Variants in LCA5 observed in about 807,000 individuals in gnomAD.
LCA5 encodes the protein lebercilin.
Under a neutral mutation model 53.0 loss-of-function variants are expected in LCA5, and 37 were observed. The ratio of observed to expected loss-of-function variants is 0.70; its 90% CI spans 0.54 to 0.92. The LOEUF is 0.92. Ranked by LOEUF, LCA5 falls within the 40% of genes least tolerant of loss-of-function variation. LCA5 has a pLI of 0.00. For synonymous variants in LCA5, 303 were observed against 282.9 expected (o/e 1.07, Z -0.71); for missense variants, 806 against 790.5 (o/e 1.02, Z -0.23).
At chr6:79,525,349 C>T (rs939437831) in intron 1 of LCA5, 1 of 152,312 alleles carries the variant, frequency 6.6e-6, no homozygotes, top group Non-Finnish European at 1.5e-5. Context: ...CCAGCTGGAC[C>T]AATTCCTAGG....
intron 3 of LCA5, among the ~76,000 whole-genome samples, chr6:79,498,172 T>TAA (rs11301807): frequency 6.9e-6 from 1 of 145,062 alleles, no homozygotes. Context: ...CTCAAATAGC[T>TAA]AAAAAAAAAA....
intron 5 of LCA5, among the ~76,000 whole-genome samples, chr6:79,492,215 A>G (rs1307966126): frequency 6.6e-6 from 1 of 152,042 alleles, no homozygotes; most frequent in African/African-American, 2.4e-5. Flanking sequence ...AAAAAGTATA[A>G]CTGTTAAAGC....
chr6:79,485,624 A>G lies in LCA5; in HGVS notation c.*1380T>C, dbSNP rs1324078035. 6.6e-6 allele frequency: 1 copy of G among 152,198 alleles called. No homozygotes were observed. The highest frequency in any genetic ancestry group is 1.9e-4 in the East Asian group (1 of 5,190). 9.4% of individuals were successfully genotyped at this position (152,198 alleles called of 1,614,324 possible). On this transcript the variant is annotated 3_prime_UTR_variant, in exon 8 of 8. Coordinates refer to ENST00000369846, the MANE Select transcript of LCA5 (RefSeq NM_001122769.3). ...TAGTCATGCAATGAAATTCAATAAT[A>G]TGCATTTATAAGAACTCAGAATAAC...
chr6:79,517,333 C>T (rs564581234), intron 2 of LCA5, among the ~76,000 whole-genome samples: 1 of 152,192 alleles, frequency 6.6e-6, no homozygotes, highest in African/African-American at 2.4e-5. Flanking sequence ...AAAGTTCAGA[C>T]TCCTTAATTG....
At chr6:79,499,795 T>C (rs1770083488) in intron 3 of LCA5, among the ~76,000 whole-genome samples, 1 of 151,518 alleles carries the variant, frequency 6.6e-6, no homozygotes, top group Non-Finnish European at 1.5e-5. Context: ...GCTGCACCCA[T>C]TAACTCGTCA....
intron 2 of LCA5, among the ~76,000 whole-genome samples, chr6:79,514,017 T>C (rs1041932825): frequency 4.4e-4 from 67 of 152,172 alleles, no homozygotes; most frequent in African/African-American, 1.6e-3. Flanking sequence ...GCTTTAACCA[T>C]TTTTAACTTT....
intron 1 of LCA5, among the ~76,000 whole-genome samples, chr6:79,525,651 A>C (rs1766762562): frequency 1.3e-5 from 2 of 152,236 alleles, no homozygotes; most frequent in Admixed American, 6.5e-5. Flanking sequence ...GAAATTCAAC[A>C]AGAAAAAGAG....
Position 79,487,340 on chromosome 6 carries a change from T to G in LCA5, c.1758A>C (p.Lys586Asn). 1 of 1,613,958 alleles carries G rather than the reference T, an allele frequency of 6.2e-7. No individual in the cohort carries two copies. ...TTAAATCTACACCATCTTTACTAAG[T>G]TTTTCCATACTGTTTCTTTGGAAAT... The part of the protein sequence containing the change: ...FLDFQRNSME[K>N]LSKDGVDLIT... The change falls in exon 8 of 8, where the codon AAA becomes AAC. Residue 586 changes from lysine to asparagine, a missense_variant. Lys to Asn is a moderately conservative substitution (Grantham distance 94). Transcript: ENST00000369846.
chr6:79,500,841 T>C (rs1770117999), intron 3 of LCA5, among the ~76,000 whole-genome samples: 1 of 152,166 alleles, frequency 6.6e-6, no homozygotes, highest in South Asian at 2.1e-4. Context: ...TTCCTTATAT[T>C]TTCTATGATT....
chr6:79,519,592 C>T (rs1194161069), intron 1 of LCA5, among the ~76,000 whole-genome samples: 2 of 151,820 alleles, frequency 1.3e-5, no homozygotes, highest in Non-Finnish European at 2.9e-5. Context: ...TGGCACACGC[C>T]TGTAGTCCCA....
At chr6:79,528,339 C>T (rs1275849449) in intron 1 of LCA5, among the ~76,000 whole-genome samples, 1 of 152,110 alleles carries the variant, frequency 6.6e-6, no homozygotes, top group Non-Finnish European at 1.5e-5. Flanking sequence ...TCAACTTGTA[C>T]CCACATCCCA....
At chr6:79,506,127 C>T (rs1770266499) in intron 3 of LCA5, among the ~76,000 whole-genome samples, 1 of 152,090 alleles carries the variant, frequency 6.6e-6, no homozygotes, top group African/African-American at 2.4e-5. Context: ...CCTTTAATAG[C>T]TCCATTGATA....
In LCA5 at chr6:79,487,221, G is replaced by T. The variant is rs1320311861; in HGVS notation, c.1877C>A (p.Ser626Tyr). ...AATGTCTCCTTTACTGGAAGCCACA[G>T]AATTTGGGTCACTGCTTTTGGAGGA... The part of the protein sequence containing the change: ...TISSKSSDPN[S>Y]VASSKGDIDP... Residue 626 changes from serine to tyrosine, a missense_variant, in exon 8 of 8, where the codon TCT becomes TAT. By Grantham distance (144) the Ser-to-Tyr change is moderately radical. Transcript: ENST00000369846. 3 of 1,614,022 alleles carry T rather than the reference G, an allele frequency of 1.9e-6. No homozygotes were observed. The highest frequency in any genetic ancestry group is 2.5e-6 in the Non-Finnish European group (3 of 1,179,932).
At chr6:79,508,668 T>C (rs80191950) in intron 3 of LCA5, among the ~76,000 whole-genome samples, 2 of 151,912 alleles carry the variant, frequency 1.3e-5, no homozygotes, top group Non-Finnish European at 2.9e-5. Context: ...GTATCCTTAC[T>C]AAAGAACATC....
Position 79,489,209 on chromosome 6 carries a change from T to C in LCA5, c.1106A>G (p.Gln369Arg). 7 of 1,611,546 alleles carry C rather than the reference T, an allele frequency of 4.3e-6. No individual in the cohort carries two copies. In the South Asian group the frequency reaches 5.5e-5, roughly 13 times the overall value. The change falls in exon 7 of 8, where the codon CAA becomes CGA. Residue 369 changes from glutamine (Q) to arginine (R), a missense_variant. Transcript: ENST00000369846. The part of the protein sequence containing the change: ...EEPGHLTLDL[Q>R]SQKQDRHGEA... The stretch of plus-strand genomic sequence containing the variant: ...TCCATGCCTGTCTTGCTTTTGAGAT[T>C]GCAAGTCCTATTATACGTTAAAAAA...
At chr6:79,513,980 C>T (rs1218036915) in intron 2 of LCA5, among the ~76,000 whole-genome samples, 1 of 152,144 alleles carries the variant, frequency 6.6e-6, no homozygotes, top group Non-Finnish European at 1.5e-5. Context: ...AATTATTCTA[C>T]ATAGCTTTAA....
intron 3 of LCA5, among the ~76,000 whole-genome samples, chr6:79,510,182 G>C (rs1050718101): frequency 1.3e-5 from 2 of 152,124 alleles, no homozygotes; most frequent in Non-Finnish European, 2.9e-5. Flanking sequence ...GAACAGAATA[G>C]AGACTATAGA....
intron 2 of LCA5, among the ~76,000 whole-genome samples, chr6:79,516,082 C>A (rs2127681582): frequency 6.6e-6 from 1 of 151,528 alleles, no homozygotes; most frequent in Non-Finnish European, 1.5e-5. Context: ...TACTTACTAT[C>A]TGTAGAAATA....
intron 3 of LCA5, among the ~76,000 whole-genome samples, chr6:79,507,599 C>G (rs77539964): frequency 1.3e-5 from 2 of 152,088 alleles, no homozygotes; most frequent in African/African-American, 4.8e-5. Context: ...CTTAAGCACA[C>G]CTTGAGAATG....
Sources: gnomAD v4.1 joint callset for allele counts (sites outside exome capture counted in the v4.1 genomes callset) on GRCh38, gnomAD v4.1.1 for gene constraint, MANE v1.5 for transcripts, NCBI Gene and HGNC (gene_info 2026-07-23, HGNC 2026-07-21) for gene names.